The following PPP1R14C variants were observed in gnomAD, a reference collection of about 807,000 sequenced individuals.
The protein encoded by PPP1R14C is protein phosphatase 1 regulatory subunit 14C.
A neutral mutation model predicts 20.4 loss-of-function variants in PPP1R14C; 16 were observed. That is an observed-to-expected ratio of 0.78 (90% CI 0.53 to 1.19). The LOEUF is 1.19. Among genes scored for constraint, PPP1R14C ranks in the 50% most tolerant of loss-of-function variants. The pLI is 0.00. For missense variants in PPP1R14C, 211 were observed against 220.1 expected (o/e 0.96, Z 0.26); for synonymous variants, 91 against 91.0 (o/e 1.00, Z 0.00).
chr6:150,172,873 T>TCA (rs1777514880), intron 1 of PPP1R14C, among the ~76,000 whole-genome samples: 1 of 152,108 alleles, frequency 6.6e-6, no homozygotes, highest in African/African-American at 2.4e-5. Flanking sequence ...AAGGTCGCTC[T>TCA]CACAGTCAAG....
chr6:150,168,618 T>C (rs962960311), intron 1 of PPP1R14C, among the ~76,000 whole-genome samples: 1 of 152,114 alleles, frequency 6.6e-6, no homozygotes, highest in African/African-American at 2.4e-5. Flanking sequence ...CTCGCCATGG[T>C]TGATTTCAGG....
chr6:150,213,674 T>C (rs1284974289), intron 1 of PPP1R14C, among the ~76,000 whole-genome samples: 3 of 152,216 alleles, frequency 2.0e-5, no homozygotes, highest in Non-Finnish European at 2.9e-5. Flanking sequence ...CATTTTAAAA[T>C]GCTATTCTGA....
At chr6:150,151,317 C>T (rs773378531) in intron 1 of PPP1R14C, among the ~76,000 whole-genome samples, 18 of 152,230 alleles carry the variant, frequency 1.2e-4, no homozygotes, top group African/African-American at 3.4e-4. Flanking sequence ...GGGCGGCAGG[C>T]GCTGCTGTGC....
At chr6:150,222,591 C>T (rs554826455) in intron 3 of PPP1R14C, among the ~76,000 whole-genome samples, 6 of 152,188 alleles carry the variant, frequency 3.9e-5, no homozygotes, top group African/African-American at 4.8e-5. Context: ...AACAATCCTC[C>T]GTGCTCTGCC....
chr6:150,244,392 TC>T (rs1778468613), intron 3 of PPP1R14C, among the ~76,000 whole-genome samples: 1 of 152,242 alleles, frequency 6.6e-6, no homozygotes, highest in African/African-American at 2.4e-5. Flanking sequence ...CTTGGGTTTT[TC>T]CCCTAGCTCT....
intron 1 of PPP1R14C, among the ~76,000 whole-genome samples, chr6:150,203,614 T>C (rs1009965999): frequency 6.6e-6 from 1 of 152,220 alleles, no homozygotes; most frequent in African/African-American, 2.4e-5. Flanking sequence ...TCGTGTTCTG[T>C]GTTAGGAAAT....
chr6:150,162,923 G>GTATC (rs923410426), intron 1 of PPP1R14C, among the ~76,000 whole-genome samples: 1 of 152,164 alleles, frequency 6.6e-6, no homozygotes, highest in African/African-American at 2.4e-5. Context: ...CATTGCATTT[G>GTATC]TATCTGAGCC....
chr6:150,214,441 C>T (rs1778065000), intron 1 of PPP1R14C, among the ~76,000 whole-genome samples: 1 of 152,060 alleles, frequency 6.6e-6, no homozygotes, highest in South Asian at 2.1e-4. Context: ...GCTCCCCCTC[C>T]TCCTTCTCTT....
chr6:150,161,490 G>A (rs759871482), intron 1 of PPP1R14C, among the ~76,000 whole-genome samples: 2 of 152,166 alleles, frequency 1.3e-5, no homozygotes, highest in African/African-American at 2.4e-5. Context: ...CTCATTTGAT[G>A]TCTTCGATTC....
chr6:150,153,761 C>G (rs2114853348), intron 1 of PPP1R14C, among the ~76,000 whole-genome samples: 1 of 152,326 alleles, frequency 6.6e-6, no homozygotes, highest in South Asian at 2.1e-4. Context: ...GTCTCTAAAT[C>G]ATCACTTTAT....
chr6:150,216,919 A>G, intron 3 of PPP1R14C, 63 bp downstream of exon 3: 1 of 1,361,602 alleles, frequency 7.3e-7, no homozygotes, highest in Non-Finnish European at 1.0e-6. Flanking sequence ...CAATTTGTCT[A>G]TTTTTAAAGC....
chr6:150,180,353 C>T (rs560446008), intron 1 of PPP1R14C, among the ~76,000 whole-genome samples: 2 of 152,232 alleles, frequency 1.3e-5, no homozygotes, highest in Non-Finnish European at 2.9e-5. Flanking sequence ...TTGGCCTCAG[C>T]TCTAGCTGTG....
intron 1 of PPP1R14C, among the ~76,000 whole-genome samples, chr6:150,176,024 G>C (rs779045874): frequency 2.2e-4 from 34 of 152,186 alleles, no homozygotes; most frequent in Non-Finnish European, 4.6e-4. Context: ...AATTCCACTG[G>C]GGATACTTAG....
intron 1 of PPP1R14C, among the ~76,000 whole-genome samples, chr6:150,212,738 G>A (rs1007282854): frequency 2.6e-5 from 4 of 152,178 alleles, no homozygotes; most frequent in African/African-American, 9.7e-5. Context: ...ATAATACCCT[G>A]TTTTTAACGT....
At chr6:150,217,642 A>C (rs1778112038) in intron 3 of PPP1R14C, among the ~76,000 whole-genome samples, 1 of 152,242 alleles carries the variant, frequency 6.6e-6, no homozygotes, top group Non-Finnish European at 1.5e-5. Flanking sequence ...ATGTGATTAG[A>C]CTAAAGCATT....
At chr6:150,152,092 C>A (rs185950670) in intron 1 of PPP1R14C, among the ~76,000 whole-genome samples, 141 of 147,046 alleles carry the variant, frequency 9.6e-4, no homozygotes, top group African/African-American at 3.4e-3. Flanking sequence ...TGCACTCCAG[C>A]CTGGGCGACA....
At chr6:150,196,136 AAT>A (rs1777801998) in intron 1 of PPP1R14C, 1 of 984,866 alleles carries the variant, frequency 1.0e-6, no homozygotes, top group Admixed American at 6.1e-5. Context: ...AAGTCATTGC[AAT>A]ACACTGTTGT....
chr6:150,194,519 C>T (rs1777781029), intron 1 of PPP1R14C: 1 of 974,138 alleles, frequency 1.0e-6, no homozygotes, highest in African/African-American at 1.8e-5. Context: ...AATTATAAAT[C>T]ATGCTTTTCC....
intron 1 of PPP1R14C, among the ~76,000 whole-genome samples, chr6:150,203,653 A>G (rs533104403): frequency 6.6e-6 from 1 of 152,064 alleles, no homozygotes; most frequent in East Asian, 1.9e-4. Context: ...CGAATGCCTC[A>G]GTCATGAGCA....
Sources: gnomAD v4.1 joint callset for allele counts (sites outside exome capture counted in the v4.1 genomes callset) on GRCh38, gnomAD v4.1.1 for gene constraint, MANE v1.5 for transcripts, NCBI Gene and HGNC (gene_info 2026-07-23, HGNC 2026-07-21) for gene names.